UNC13C: variants seen among roughly 807,000 people sequenced by gnomAD.
UNC13C encodes unc-13 homolog C.
A neutral mutation model predicts 245.4 loss-of-function variants in UNC13C; 174 were observed. The observed-to-expected ratio is 0.71, with a 90% CI of 0.63 to 0.80. The LOEUF (loss-of-function observed/expected upper bound fraction) is 0.80, where lower values mean the gene tolerates loss of function less well. Ranked by LOEUF, UNC13C falls within the 30% of genes least tolerant of loss-of-function variation. The probability of loss-of-function intolerance (pLI) is 0.00; values close to 1 mark genes in which losing one functional copy is unlikely to be tolerated. For synonymous variants in UNC13C, 992 were observed against 895.1 expected (o/e 1.11, Z -1.93); for missense variants, 2,829 against 2,602.9 (o/e 1.09, Z -1.89).
chr15:54,548,576 A>G (rs1431404643), intron 27 of UNC13C, among the ~76,000 whole-genome samples: 2 of 152,150 alleles, frequency 1.3e-5, no homozygotes, highest in East Asian at 3.9e-4. Flanking sequence ...ATTGTTCTTT[A>G]GTAACAGAAT....
At chr15:54,556,312 T>C (rs1384048704) in intron 29 of UNC13C, among the ~76,000 whole-genome samples, 1 of 152,092 alleles carries the variant, frequency 6.6e-6, no homozygotes, top group African/African-American at 2.4e-5. Flanking sequence ...GACCCATTTG[T>C]AGAGCATAGA....
chr15:54,570,046 G>C (rs1897684719), intron 30 of UNC13C, among the ~76,000 whole-genome samples: 1 of 152,016 alleles, frequency 6.6e-6, no homozygotes, highest in Non-Finnish European at 1.5e-5. Flanking sequence ...CTATTCCTCA[G>C]TGTTTTGGGG....
At chr15:53,908,817 T>G in the UNC13C span, among the ~76,000 whole-genome samples, 6 of 145,002 alleles carry the variant, frequency 4.1e-5, 1 homozygote, top group Non-Finnish European at 7.7e-5. Flanking sequence ...ATATTGCTGT[T>G]TTAGAATACT....
At chr15:54,425,999 A>C (rs1354509171) in intron 19 of UNC13C, among the ~76,000 whole-genome samples, 1 of 151,568 alleles carries the variant, frequency 6.6e-6, no homozygotes, top group African/African-American at 2.4e-5. Flanking sequence ...CTTTGTCAGC[A>C]ATATCCAGGT....
intron 30 of UNC13C, among the ~76,000 whole-genome samples, chr15:54,582,544 AT>A (rs1898247688): frequency 6.6e-6 from 1 of 152,166 alleles, no homozygotes; most frequent in Admixed American, 6.5e-5. Flanking sequence ...GAAAGCCACT[AT>A]TTCAAGGAAA....
intron 22 of UNC13C, among the ~76,000 whole-genome samples, chr15:54,505,287 C>T (rs879722196): frequency 1.8e-4 from 27 of 152,304 alleles, no homozygotes; most frequent in Middle Eastern, 6.8e-3. Flanking sequence ...GGTGCCCCGT[C>T]CATCACAGCT....
intron 4 of UNC13C, among the ~76,000 whole-genome samples, chr15:54,162,236 G>C (rs1357199100): frequency 6.6e-6 from 1 of 152,146 alleles, no homozygotes; most frequent in Non-Finnish European, 1.5e-5. Flanking sequence ...CAAGTGACTA[G>C]ATATAATCCC....
the UNC13C span, among the ~76,000 whole-genome samples, chr15:53,939,528 C>T: frequency 6.6e-6 from 1 of 152,100 alleles, no homozygotes; most frequent in Non-Finnish European, 1.5e-5. Flanking sequence ...GGCAGAGATA[C>T]AACAGAAAAC....
the UNC13C span, among the ~76,000 whole-genome samples, chr15:53,969,261 T>A: frequency 6.6e-6 from 1 of 152,096 alleles, no homozygotes; most frequent in South Asian, 2.1e-4. Context: ...TTGAGAAAGA[T>A]GAAACACCAC....
At chr15:53,905,415 C>CAA in the UNC13C span, among the ~76,000 whole-genome samples, 1 of 151,460 alleles carries the variant, frequency 6.6e-6, no homozygotes, top group Non-Finnish European at 1.5e-5. Flanking sequence ...CACACACACA[C>CAA]ACACACACAC....
intron 29 of UNC13C, among the ~76,000 whole-genome samples, chr15:54,557,673 A>G (rs1239082976): frequency 3.3e-5 from 5 of 152,062 alleles, no homozygotes; most frequent in South Asian, 2.1e-4. Context: ...CTAATTTCCA[A>G]CGGCTGCTAA....
chr15:54,507,481 A>C (rs1050754994), intron 23 of UNC13C, among the ~76,000 whole-genome samples: 1 of 152,090 alleles, frequency 6.6e-6, no homozygotes, highest in Non-Finnish European at 1.5e-5. Flanking sequence ...AAAATACTGG[A>C]GCTGAGAAAA....
rs1895527328 is a variant in UNC13C, at chr15:54,527,482, T to C, written c.5546+1845T>C. Among the ~76,000 whole-genome samples the C allele has an allele frequency of 2.0e-5, 3 of 152,368 alleles. No homozygotes were observed. The South Asian group carries it at 6.2e-4, about 32-fold the overall frequency. On this transcript the variant is annotated intron_variant, in intron 25 of 32. Coordinates refer to ENST00000260323, the MANE Select transcript of UNC13C (RefSeq NM_001080534.3). ...AGTAGAAACTAGAATATAAGTAAAG[T>C]ATATTTAAATTATTTTCTGTAAAAT...
At chr15:54,006,307 T>C (rs138625016) in intron 1 of UNC13C, among the ~76,000 whole-genome samples, 79 of 152,314 alleles carry the variant, frequency 5.2e-4, no homozygotes, top group African/African-American at 1.9e-3. Context: ...AATAACTGAT[T>C]AGCTAGAATT....
intron 4 of UNC13C, among the ~76,000 whole-genome samples, chr15:54,215,703 G>C (rs2035018445): frequency 6.6e-6 from 1 of 151,950 alleles, no homozygotes; most frequent in East Asian, 1.9e-4. Flanking sequence ...TGGCATGGAG[G>C]GATTGAGAAA....
At chr15:54,101,393 A>G (rs1253303475) in intron 2 of UNC13C, among the ~76,000 whole-genome samples, 2 of 152,178 alleles carry the variant, frequency 1.3e-5, no homozygotes, top group African/African-American at 4.8e-5. Flanking sequence ...CTCATCTCTC[A>G]TAGTTCCTAT....
At chr15:54,161,777 C>T (rs1376732372) in intron 4 of UNC13C, among the ~76,000 whole-genome samples, 1 of 151,976 alleles carries the variant, frequency 6.6e-6, no homozygotes, top group Admixed American at 6.6e-5. Context: ...ACAGAGAAAC[C>T]CTGTCTCTCA....
chr15:54,427,413 C>T (rs1213293669), intron 19 of UNC13C, among the ~76,000 whole-genome samples: 2 of 151,788 alleles, frequency 1.3e-5, no homozygotes, highest in South Asian at 2.1e-4. Context: ...AGGCTTTCCT[C>T]AGCTATGTGA....
intron 1 of UNC13C, among the ~76,000 whole-genome samples, chr15:53,992,432 G>C (rs1175700447): frequency 6.6e-6 from 1 of 152,042 alleles, no homozygotes; most frequent in African/African-American, 2.4e-5. Context: ...CATGGTGGAT[G>C]CAAAGATTTT....
Sources: allele counts gnomAD v4.1 joint callset (sites outside exome capture counted in the v4.1 genomes callset), GRCh38; gene constraint gnomAD v4.1.1; transcripts MANE v1.5; gene names NCBI Gene and HGNC (gene_info 2026-07-23, HGNC 2026-07-21).